The following MOSMO variants were observed in gnomAD, a reference collection of about 807,000 sequenced individuals.
MOSMO encodes modulator of smoothened protein.
In MOSMO, 5 loss-of-function variants were observed where a neutral mutation model predicts 18.4. That is an observed-to-expected ratio of 0.27 (90% CI 0.14 to 0.57). MOSMO has a LOEUF of 0.57. MOSMO is among the 20% of genes least tolerant of loss of function. MOSMO has a pLI of 0.92. For synonymous variants in MOSMO, 82 were observed against 82.3 expected, an observed-to-expected ratio of 1.00 and a Z score of 0.02; for missense variants, 138 against 211.8, an observed-to-expected ratio of 0.65 and a Z score of 2.16.
chr16:22,074,463 A>T (rs1258891739), intron 1 of MOSMO, among the ~76,000 whole-genome samples: 1 of 152,156 alleles, frequency 6.6e-6, no homozygotes, highest in Non-Finnish European at 1.5e-5. Context: ...TATGTTTCTA[A>T]TAGCTCCAGA....
intron 1 of MOSMO, among the ~76,000 whole-genome samples, chr16:22,072,626 A>T (rs369829084): frequency 6.6e-6 from 1 of 152,194 alleles, no homozygotes; most frequent in South Asian, 2.1e-4. Flanking sequence ...CTTGGCTAAC[A>T]CGGTGAAACC....
chr16:22,090,973 T>C (rs913972740), downstream of MOSMO, among the ~76,000 whole-genome samples: 2 of 151,930 alleles, frequency 1.3e-5, no homozygotes, highest in African/African-American at 4.8e-5. Flanking sequence ...TGAAAACCCA[T>C]GTATGCAGGA....
intron 1 of MOSMO, among the ~76,000 whole-genome samples, chr16:22,042,182 A>T (rs886507031): frequency 2.6e-5 from 4 of 152,268 alleles, no homozygotes; most frequent in African/African-American, 9.6e-5. Flanking sequence ...AAGAGTGTGA[A>T]GAGGTTTGGA....
chr16:22,080,324 A>G (rs1413459598), intron 2 of MOSMO, among the ~76,000 whole-genome samples: 1 of 152,124 alleles, frequency 6.6e-6, no homozygotes, highest in Non-Finnish European at 1.5e-5. Flanking sequence ...CCAGAGGCTT[A>G]AGATTACACA....
At chr16:22,056,365 C>CTTTTTTTTTTTTTTTTTTTT (rs35642716) in intron 1 of MOSMO, among the ~76,000 whole-genome samples, 1 of 54,630 alleles carries the variant, frequency 1.8e-5, no homozygotes, top group African/African-American at 7.9e-5. Context: ...TTCTTTCTTT[C>CTTTTTTTTTTTTTTTTTTTT]TTTTTTTTTT....
intron 1 of MOSMO, among the ~76,000 whole-genome samples, chr16:22,020,892 T>C (rs753551456): frequency 1.1e-4 from 17 of 152,362 alleles, no homozygotes; most frequent in Admixed American, 3.9e-4. Flanking sequence ...TTCTTATATA[T>C]GTCAACAGTG....
rs1249715752 is a variant in MOSMO at position 22,083,092 on chromosome 16, T to G, written c.*2212T>G. 6.6e-6 allele frequency: 1 copy of G among 152,234 alleles called. No homozygotes were observed. Among genetic ancestry groups the G allele is most frequent in the African/African-American group, 2.4e-5 (1 of 41,456 alleles). 9.4% of individuals were successfully genotyped at this position (152,234 alleles called of 1,614,324 possible). Reference sequence around the variant, plus strand: ...AGTGTTAGCAAAGTATGGTTCAAATTAACTTATGACATGACCAAGAGCTTT... The same window carrying G: ...AGTGTTAGCAAAGTATGGTTCAAATGAACTTATGACATGACCAAGAGCTTT... On this transcript the variant is annotated 3_prime_UTR_variant, in exon 3 of 3. Transcript: ENST00000542527.
chr16:22,057,859 C>T (rs1283417662), intron 1 of MOSMO, among the ~76,000 whole-genome samples: 1 of 152,092 alleles, frequency 6.6e-6, no homozygotes, highest in Non-Finnish European at 1.5e-5. Flanking sequence ...AGAACATGAG[C>T]AGGGAATAGT....
At chr16:22,073,380 C>T (rs1900897698) in intron 1 of MOSMO, among the ~76,000 whole-genome samples, 1 of 152,080 alleles carries the variant, frequency 6.6e-6, no homozygotes. Context: ...CCAGCAGTTA[C>T]ATCTTTTATA....
chr16:22,041,590 A>T (rs1900210388), intron 1 of MOSMO, among the ~76,000 whole-genome samples: 1 of 152,204 alleles, frequency 6.6e-6, no homozygotes, highest in Non-Finnish European at 1.5e-5. Flanking sequence ...ATGGATGAGA[A>T]GGGAATTTGA....
intron 2 of MOSMO, among the ~76,000 whole-genome samples, chr16:22,078,547 G>A (rs999572245): frequency 1.3e-5 from 2 of 152,134 alleles, no homozygotes; most frequent in African/African-American, 4.8e-5. Flanking sequence ...ATCTTTTTTA[G>A]AGTAGAAAAT....
chr16:22,023,703 TATC>T, intron 1 of MOSMO, among the ~76,000 whole-genome samples: 1 of 152,224 alleles, frequency 6.6e-6, no homozygotes, highest in East Asian at 1.9e-4. Flanking sequence ...AAGGTACAGA[TATC>T]AGCCATTCTC....
chr16:22,052,957 T>C (rs1350218003), intron 1 of MOSMO, among the ~76,000 whole-genome samples: 1 of 145,686 alleles, frequency 6.9e-6, no homozygotes, highest in Non-Finnish European at 1.5e-5. Context: ...TCTTCTTTTT[T>C]TTTTTTTTTT....
chr16:22,038,245 G>A (rs1330025478), intron 1 of MOSMO, among the ~76,000 whole-genome samples: 1 of 152,238 alleles, frequency 6.6e-6, no homozygotes, highest in African/African-American at 2.4e-5. Flanking sequence ...GCCTTGGAGA[G>A]AGACGTTTCA....
At chr16:22,092,534 C>G (rs1324244311), downstream of MOSMO, 10 of 1,450,296 alleles carry the variant, frequency 6.9e-6, no homozygotes, top group Non-Finnish European at 8.4e-6. Flanking sequence ...GGGCAAGCTT[C>G]GCTGCTGAGT....
intron 1 of MOSMO, among the ~76,000 whole-genome samples, chr16:22,072,806 CAA>C (rs906526492): frequency 3.4e-4 from 27 of 78,444 alleles, no homozygotes; most frequent in Admixed American, 7.3e-4. Context: ...GACTCCATCT[CAA>C]AAAAAAAAAA....
At chr16:22,075,284 A>AT (rs757280028) in intron 1 of MOSMO, 42 of 674,524 alleles carry the variant, frequency 6.2e-5, no homozygotes, top group South Asian at 5.9e-4. Context: ...GTCATTTGTT[A>AT]TTTTTTTAGG....
downstream of MOSMO, among the ~76,000 whole-genome samples, chr16:22,092,010 G>A (rs74012197): frequency 0.02 from 3,026 of 152,278 alleles, 108 homozygotes; most frequent in African/African-American, 0.069. Context: ...AACAATCCAG[G>A]TGATTCTCAT....
chr16:22,008,270 G>T lies in MOSMO; in HGVS notation c.-32G>T. The T allele has an allele frequency of 6.9e-7, 1 of 1,441,400 alleles. No homozygotes were observed. Among genetic ancestry groups the T allele is most frequent in the Admixed American group, 2.1e-5 (1 of 47,848 alleles). The allele number at this position is 1,441,400 out of a possible 1,614,324, so 89.3% of individuals were successfully genotyped here. Reference sequence around the variant, plus strand: ...AGGCGTGAGGCCGCTGCCTGTCCGGGGCTCGGGGGGTGGGGGGAGCGGGGC... The same window carrying T: ...AGGCGTGAGGCCGCTGCCTGTCCGGTGCTCGGGGGGTGGGGGGAGCGGGGC... On this transcript the variant is annotated 5_prime_UTR_variant, in exon 1 of 3. Coordinates refer to ENST00000542527, the MANE Select transcript of MOSMO (RefSeq NM_001164579.2).
Sources: allele counts gnomAD v4.1 joint callset (sites outside exome capture counted in the v4.1 genomes callset), GRCh38; gene constraint gnomAD v4.1.1; transcripts MANE v1.5; gene names NCBI Gene and HGNC (gene_info 2026-07-23, HGNC 2026-07-21).